MYO19: variants seen among roughly 807,000 people sequenced by gnomAD.
MYO19 encodes unconventional myosin-XIX.
MYO19 carries 132 observed loss-of-function variants against 129.2 expected under a neutral mutation model. The observed-to-expected ratio is 1.02, with a 90% CI of 0.89 to 1.18. The LOEUF (loss-of-function observed/expected upper bound fraction) is 1.18, where lower values mean the gene tolerates loss of function less well. Among genes scored for constraint, MYO19 ranks in the 50% most tolerant of loss-of-function variants. The pLI, the probability that MYO19 is intolerant of heterozygous loss-of-function variation, is 0.00. For synonymous variants in MYO19, 531 were observed against 477.2 expected (o/e 1.11, Z -1.47); for missense variants, 1,210 against 1,216.7 (o/e 0.99, Z 0.08).
chr17:36,522,115 T>A (rs1233734790), intron 6 of MYO19, among the ~76,000 whole-genome samples: 1 of 151,618 alleles, frequency 6.6e-6, no homozygotes, highest in Non-Finnish European at 1.5e-5. Flanking sequence ...AACCTGGAAT[T>A]ATAAAACCCA....
intron 25 of MYO19, 87 bp downstream of exon 25, chr17:36,498,179 C>T (rs2071176467): frequency 6.9e-7 from 1 of 1,459,382 alleles, no homozygotes; most frequent in Admixed American, 1.8e-5. Flanking sequence ...TTGTCCCAGC[C>T]TCAGTCTCAT....
chr17:36,501,786 G>T (rs970427470), intron 21 of MYO19: 2 of 152,090 alleles, frequency 1.3e-5, no homozygotes, highest in African/African-American at 4.8e-5. Context: ...CCCTGCAAAG[G>T]TCCCGTGTCC....
chr17:36,500,584 T>C, intron 23 of MYO19: 1 of 531,558 alleles, frequency 1.9e-6, no homozygotes, highest in Admixed American at 3.3e-5. Flanking sequence ...AAGACAACGC[T>C]TAGACAACGC....
At position 36,513,758 on chromosome 17, in the gene MYO19, G is replaced by C. The variant is rs780460264; in HGVS notation, c.721-33C>G. ...GAAGGGTAGGTGGGAGGCTGGGTAGGGGGTCTGAGAAAAGCCCAGGCCTGC... is the reference window on the plus strand; with the variant it reads ...GAAGGGTAGGTGGGAGGCTGGGTAGCGGGTCTGAGAAAAGCCCAGGCCTGC... On this transcript the variant is annotated intron_variant, in intron 9 of 25. Coordinates refer to ENST00000614623, the MANE Select transcript of MYO19 (RefSeq NM_001163735.2). 3.8e-6 allele frequency: 6 copies of C among 1,596,280 alleles called. No homozygotes were observed. The East Asian group carries it at 1.1e-4, about 30-fold the overall frequency.
chr17:36,517,642 C>T (rs2072842630), intron 6 of MYO19, among the ~76,000 whole-genome samples: 1 of 152,062 alleles, frequency 6.6e-6, no homozygotes, highest in African/African-American at 2.4e-5. Flanking sequence ...TTTTTCCCTT[C>T]TTCTGCATAC....
At chr17:36,503,033 G>A (rs1182329646) in intron 21 of MYO19, 64 bp downstream of exon 21, 3 of 1,397,704 alleles carry the variant, frequency 2.1e-6, no homozygotes, top group Admixed American at 1.7e-5. Context: ...CCTAAGACAG[G>A]GCACAGGGTA....
upstream of MYO19, chr17:36,538,868 C>T: frequency 5.5e-6 from 2 of 366,128 alleles, no homozygotes; most frequent in Non-Finnish European, 1.0e-5. Flanking sequence ...ATTCTCCTGC[C>T]TCAGCCTCCT....
At chr17:36,541,094 C>T (rs946336158) in intron 2 of MYO19, among the ~76,000 whole-genome samples, 1 of 151,974 alleles carries the variant, frequency 6.6e-6, no homozygotes, top group African/African-American at 2.4e-5. Context: ...ACTACAGGTG[C>T]CCGCCACCAC....
chr17:36,495,951 G>T lies in MYO19; in HGVS notation c.*300C>A. On this transcript the variant is annotated 3_prime_UTR_variant, in exon 26 of 26. Transcript: ENST00000614623. Reference sequence around the variant, plus strand: ...GTGGAATTGGGATCCCCAGTGTAGTGACAGACAGTCATGACTGCTGCTGAG... The same window carrying T: ...GTGGAATTGGGATCCCCAGTGTAGTTACAGACAGTCATGACTGCTGCTGAG... 1.0e-6 allele frequency: 1 copy of T among 965,388 alleles called. No individual in the cohort carries two copies. Among genetic ancestry groups the T allele is most frequent in the South Asian group, 4.7e-5 (1 of 21,248 alleles). The allele number at this position is 965,388 out of a possible 1,614,324, so 59.8% of individuals were successfully genotyped here.
At chr17:36,539,443 T>C (rs905382836), upstream of MYO19, 3 of 160,620 alleles carry the variant, frequency 1.9e-5, no homozygotes, top group African/African-American at 7.2e-5. Context: ...AATAAAATAC[T>C]TATATACTAT....
At chr17:36,496,904 C>A (rs1022284786) in intron 25 of MYO19, among the ~76,000 whole-genome samples, 3 of 152,170 alleles carry the variant, frequency 2.0e-5, no homozygotes, top group Non-Finnish European at 2.9e-5. Context: ...TGGGGTTCTA[C>A]CTCCCAGTGC....
chr17:36,516,072 G>C (rs1192779127), intron 6 of MYO19, 82 bp from the exon 7 acceptor site: 16 of 1,453,500 alleles, frequency 1.1e-5, no homozygotes, highest in Middle Eastern at 2.5e-4. Context: ...GTGCCCACCA[G>C]AGCTCTCTTC....
intron 2 of MYO19, among the ~76,000 whole-genome samples, chr17:36,541,102 C>G (rs2074195655): frequency 6.6e-6 from 1 of 152,134 alleles, no homozygotes; most frequent in African/African-American, 2.4e-5. Context: ...TGCCCGCCAC[C>G]ACACCCGGCT....
chr17:36,523,893 A>G (rs2142298479), intron 6 of MYO19, among the ~76,000 whole-genome samples: 1 of 152,380 alleles, frequency 6.6e-6, no homozygotes, highest in South Asian at 2.1e-4. Flanking sequence ...GGAGACAGGG[A>G]ACAAGGTTGA....
chr17:36,510,506 G>A (rs538719071), intron 13 of MYO19, among the ~76,000 whole-genome samples: 1 of 152,218 alleles, frequency 6.6e-6, no homozygotes, highest in Non-Finnish European at 1.5e-5. Flanking sequence ...ATAATGAGCT[G>A]AATTCTGGCC....
intron 6 of MYO19, among the ~76,000 whole-genome samples, chr17:36,522,027 TTAAA>T (rs2073162130): frequency 4.3e-5 from 2 of 46,178 alleles, no homozygotes; most frequent in African/African-American, 1.3e-4. Context: ...AAGACTGTCT[TTAAA>T]AAAAAAAAAA....
chr17:36,525,363 G>C, intron 5 of MYO19, 22 bp from the exon 6 acceptor site: 4 of 1,521,612 alleles, frequency 2.6e-6, no homozygotes, highest in Non-Finnish European at 3.6e-6. Context: ...AGGAGTGAAA[G>C]GTCATGTGAG....
intron 6 of MYO19, among the ~76,000 whole-genome samples, chr17:36,518,741 C>G (rs2072960337): frequency 6.6e-6 from 1 of 150,946 alleles, no homozygotes; most frequent in African/African-American, 2.4e-5. Flanking sequence ...TCACACGGAA[C>G]AATTTAAAAA....
chr17:36,527,467 G>T lies in MYO19; in HGVS notation c.300+84C>A, dbSNP rs1017790822. On this transcript the variant is annotated intron_variant, in intron 5 of 25. Coordinates refer to ENST00000614623, the MANE Select transcript of MYO19 (RefSeq NM_001163735.2). ...TGAATGACCACATTGCTGGTGAATAGATGAATAAGGACAGGGGTAACTGCA... is the reference window on the plus strand; with the variant it reads ...TGAATGACCACATTGCTGGTGAATATATGAATAAGGACAGGGGTAACTGCA... 2.1e-6 allele frequency: 3 copies of T among 1,443,408 alleles called. No individual in the cohort carries two copies. In the African/African-American group the frequency reaches 4.2e-5, roughly 20 times the overall value. The allele number at this position is 1,443,408 out of a possible 1,614,324, so 89.4% of individuals were successfully genotyped here.
Sources: allele counts gnomAD v4.1 joint callset (sites outside exome capture counted in the v4.1 genomes callset), GRCh38; gene constraint gnomAD v4.1.1; transcripts MANE v1.5; gene names NCBI Gene and HGNC (gene_info 2026-07-23, HGNC 2026-07-21).